The following PELI2 variants were observed in gnomAD, a reference collection of about 807,000 sequenced individuals.
PELI2 encodes E3 ubiquitin-protein ligase pellino homolog 2.
Under a neutral mutation model 42.3 loss-of-function variants are expected in PELI2, and 23 were observed. That is an observed-to-expected ratio of 0.54 (90% CI 0.39 to 0.77). The LOEUF is 0.77. Ranked by LOEUF, PELI2 falls within the 30% of genes least tolerant of loss-of-function variation. PELI2 has a pLI of 0.00. For missense variants in PELI2, 463 were observed against 553.2 expected (o/e 0.84, Z 1.64); for synonymous variants, 245 against 212.2 (o/e 1.15, Z -1.34).
At chr14:56,227,429 C>T (rs1249138178) in intron 2 of PELI2, among the ~76,000 whole-genome samples, 1 of 152,174 alleles carries the variant, frequency 6.6e-6, no homozygotes, top group Non-Finnish European at 1.5e-5. Context: ...TCTGGGATAA[C>T]TGGAGCCAGA....
chr14:56,173,180 T>C (rs1458962693), intron 1 of PELI2, among the ~76,000 whole-genome samples: 1 of 152,182 alleles, frequency 6.6e-6, no homozygotes, highest in Non-Finnish European at 1.5e-5. Flanking sequence ...ATGCTGTCAC[T>C]CTGGCCAGGC....
chr14:56,268,660 TTCAGGG>T (rs1442774316), intron 2 of PELI2, among the ~76,000 whole-genome samples: 7 of 152,216 alleles, frequency 4.6e-5, no homozygotes, highest in Admixed American at 4.6e-4. Context: ...AATGGGGTTG[TTCAGGG>T]TCACTTTCTC....
At chr14:56,171,414 G>A (rs1264192167) in intron 1 of PELI2, among the ~76,000 whole-genome samples, 4 of 152,152 alleles carry the variant, frequency 2.6e-5, no homozygotes, top group Non-Finnish European at 4.4e-5. Context: ...GACCTTGGAC[G>A]TCCCAGTCTT....
At chr14:56,295,360 T>G (rs1889964095) in intron 5 of PELI2, among the ~76,000 whole-genome samples, 1 of 152,002 alleles carries the variant, frequency 6.6e-6, no homozygotes, top group Non-Finnish European at 1.5e-5. Flanking sequence ...CCCCACCCAG[T>G]GCCCTGAACT....
intron 1 of PELI2, among the ~76,000 whole-genome samples, chr14:56,125,423 G>A (rs562401808): frequency 1.3e-5 from 2 of 151,322 alleles, no homozygotes; most frequent in South Asian, 2.1e-4. Context: ...GGCAGGGGGG[G>A]GGTGAATTGG....
At chr14:56,245,691 T>C (rs1254745646) in intron 2 of PELI2, among the ~76,000 whole-genome samples, 38 of 152,206 alleles carry the variant, frequency 2.5e-4, no homozygotes, top group Admixed American at 1.7e-3. Flanking sequence ...ACTACAACTC[T>C]CTGTCCACAG....
chr14:56,129,753 C>G (rs1258712094), intron 1 of PELI2, among the ~76,000 whole-genome samples: 1 of 152,216 alleles, frequency 6.6e-6, no homozygotes, highest in African/African-American at 2.4e-5. Flanking sequence ...TCTTGGCTGT[C>G]TCTTGCTGAG....
Position 56,178,676 on chromosome 14 carries a change from C to T in PELI2, c.207+212C>T, listed in dbSNP as rs187855630. 1.6e-4 allele frequency among the ~76,000 whole-genome samples: 24 copies of T among 152,294 alleles called. No homozygotes were observed. In the East Asian group the frequency reaches 3.5e-3, roughly 22 times the overall value. On this transcript the variant is annotated intron_variant, in intron 2 of 5. Coordinates refer to ENST00000267460, the MANE Select transcript of PELI2 (RefSeq NM_021255.3). ...CTTCACCCGCTAAGTGCCAGTAGCACCCCCGCATTCTTGCTCCCCACAGTT... is the reference window on the plus strand; with the variant it reads ...CTTCACCCGCTAAGTGCCAGTAGCATCCCCGCATTCTTGCTCCCCACAGTT...
chr14:56,223,719 C>T (rs2139754721), intron 2 of PELI2, among the ~76,000 whole-genome samples: 1 of 152,266 alleles, frequency 6.6e-6, no homozygotes, highest in African/African-American at 2.4e-5. Context: ...GGGCCAAATG[C>T]AGATTTCAAT....
At chr14:56,147,757 G>A (rs1287133421) in intron 1 of PELI2, among the ~76,000 whole-genome samples, 1 of 152,194 alleles carries the variant, frequency 6.6e-6, no homozygotes, top group Non-Finnish European at 1.5e-5. Context: ...TTAGGGGAGA[G>A]CTATAAATAT....
intron 2 of PELI2, among the ~76,000 whole-genome samples, chr14:56,232,097 T>A (rs1460112298): frequency 1.3e-5 from 2 of 152,182 alleles, no homozygotes; most frequent in African/African-American, 4.8e-5. Context: ...TAGCAGGCTC[T>A]GAAATCGTGG....
At chr14:56,222,970 C>T (rs1278822458) in intron 2 of PELI2, among the ~76,000 whole-genome samples, 1 of 152,128 alleles carries the variant, frequency 6.6e-6, no homozygotes, top group Non-Finnish European at 1.5e-5. Context: ...AAAATGATAC[C>T]TTGGCAAATG....
At chr14:56,175,333 G>T (rs1292625881) in intron 1 of PELI2, among the ~76,000 whole-genome samples, 1 of 152,152 alleles carries the variant, frequency 6.6e-6, no homozygotes, top group African/African-American at 2.4e-5. Context: ...CCACCATGAA[G>T]CCTTCTCTAA....
At chr14:56,285,677 T>C (rs1889621300) in intron 3 of PELI2, among the ~76,000 whole-genome samples, 1 of 152,158 alleles carries the variant, frequency 6.6e-6, no homozygotes. Flanking sequence ...AATCTTAGCA[T>C]GCGTGGTTTC....
rs1402999905 is a variant in PELI2 at position 56,143,583 on chromosome 14, G to A, written c.77+24846G>A. 2.0e-5 allele frequency among the ~76,000 whole-genome samples: 3 copies of A among 152,264 alleles called. No individual in the cohort carries two copies. In the East Asian group the frequency reaches 5.8e-4, roughly 29 times the overall value. Reference sequence around the variant, plus strand: ...TTCTTTATTGGAATTCTTCCGTAAGGACGGTCTGTCCCTTCTCCTTCATTT... The same window carrying A: ...TTCTTTATTGGAATTCTTCCGTAAGAACGGTCTGTCCCTTCTCCTTCATTT... On this transcript the variant is annotated intron_variant, in intron 1 of 5. Transcript: ENST00000267460.
At chr14:56,142,310 T>A (rs907652988) in intron 1 of PELI2, among the ~76,000 whole-genome samples, 3 of 152,196 alleles carry the variant, frequency 2.0e-5, no homozygotes, top group African/African-American at 7.2e-5. Flanking sequence ...GAGAATATGG[T>A]GGGCTTGCGA....
intron 2 of PELI2, among the ~76,000 whole-genome samples, chr14:56,215,720 A>C (rs1269832941): frequency 6.6e-6 from 1 of 152,254 alleles, no homozygotes; most frequent in Non-Finnish European, 1.5e-5. Context: ...CTTGAAGTAT[A>C]GCCCAGTTTT....
intron 2 of PELI2, among the ~76,000 whole-genome samples, chr14:56,276,989 T>G (rs1417723569): frequency 1.3e-5 from 2 of 152,172 alleles, no homozygotes; most frequent in Non-Finnish European, 2.9e-5. Context: ...ATAAATACCC[T>G]TTTTCATGTG....
chr14:56,146,602 C>T (rs974131398), intron 1 of PELI2, among the ~76,000 whole-genome samples: 2 of 152,114 alleles, frequency 1.3e-5, no homozygotes, highest in Non-Finnish European at 2.9e-5. Flanking sequence ...TCCAGCAGGA[C>T]TAACAGAATG....
Sources: allele counts gnomAD v4.1 joint callset (sites outside exome capture counted in the v4.1 genomes callset), GRCh38; gene constraint gnomAD v4.1.1; transcripts MANE v1.5; gene names NCBI Gene and HGNC (gene_info 2026-07-23, HGNC 2026-07-21).